Variants in TM7SF2 observed in about 807,000 individuals in gnomAD.
TM7SF2 encodes the protein transmembrane 7 superfamily member 2, also known as delta(14)-sterol reductase TM7SF2.
Under a neutral mutation model 51.0 loss-of-function variants are expected in TM7SF2, and 51 were observed. The ratio of observed to expected loss-of-function variants is 1.00; its 90% confidence interval spans 0.80 to 1.26. The LOEUF is 1.26. Among genes scored for constraint, TM7SF2 ranks in the 50% most tolerant of loss-of-function variants. TM7SF2 has a pLI of 0.00. For missense variants in TM7SF2, 541 were observed against 547.4 expected (o/e 0.99, Z 0.12); for synonymous variants, 255 against 241.0 (o/e 1.06, Z -0.54).
intron 3 of TM7SF2, 120 bp downstream of exon 3, chr11:65,112,985 GC>G: frequency 1.6e-6 from 2 of 1,277,826 alleles, no homozygotes; most frequent in Non-Finnish European, 2.2e-6. Context: ...CCTCTGTTAC[GC>G]CCAGGACAGA....
intron 9 of TM7SF2, 93 bp downstream of exon 9, chr11:65,115,691 G>C: frequency 2.5e-6 from 4 of 1,605,306 alleles, no homozygotes; most frequent in Non-Finnish European, 3.4e-6. Context: ...GCACCAGTGA[G>C]AGTAGTCAGA....
intron 5 of TM7SF2, 58 bp from the exon 6 acceptor site, chr11:65,114,655 C>T (rs1947952085): frequency 1.3e-6 from 2 of 1,577,134 alleles, no homozygotes; most frequent in African/African-American, 1.3e-5. Context: ...AGGCTGGCCA[C>T]TGCTCTGCCC....
In TM7SF2 at chr11:65,112,647, C is replaced by CGCT; in HGVS notation, c.193_195dup (p.Leu65dup). 6.5e-7 allele frequency: 1 copy of CGCT among 1,537,732 alleles called. No homozygotes were observed. Among genetic ancestry groups the CGCT allele is most frequent in the African/African-American group, 1.4e-5 (1 of 72,344 alleles). ...CTGGAGGTGCTGTGGAGCCCACGGG[C>CGCT]GCTGCTGCTGTGGCTCGCCTGGCTC... On this transcript the variant is annotated inframe_insertion, in exon 2 of 10. Transcript: ENST00000279263.
At chr11:65,115,194 A>AGGGCAGGGTCCTGGGGGTCC (rs1209793763) in intron 7 of TM7SF2, 113 bp downstream of exon 7, 24 of 1,591,902 alleles carry the variant, frequency 1.5e-5, no homozygotes. Flanking sequence ...CTCTAAAGCC[A>AGGGCAGGGTCCTGGGGGTCC]GGGCAGGGTC....
chr11:65,115,328 A>G lies in TM7SF2; in HGVS notation c.907A>G (p.Ile303Val), dbSNP rs1354129124. The G allele has an allele frequency of 3.1e-6, 5 of 1,613,980 alleles. No individual in the cohort carries two copies. In the South Asian group the frequency reaches 3.3e-5, roughly 11 times the overall value. ...ICLINATGYY[I>V]FRGANSQKNT... ...TCTCTCACCAGCTACTGGTTACTAC[A>G]TCTTCCGTGGGGCGAATTCCCAGAA... The change falls in exon 8 of 10, where the codon ATC becomes GTC. Residue 303 changes from isoleucine to valine, a missense_variant. Coordinates refer to ENST00000279263, the MANE Select transcript of TM7SF2 (RefSeq NM_003273.6).
chr11:65,111,933 G>C lies in TM7SF2; in HGVS notation c.-83G>C. ...GGGGCCGGATCCTCCGCGCGGCCGA[G>C]TCCATCTCCTGGGAAATGGGGCGGA... On this transcript the variant is annotated 5_prime_UTR_variant, in exon 1 of 10. Coordinates refer to ENST00000279263, the MANE Select transcript of TM7SF2 (RefSeq NM_003273.6). 1 of 1,453,042 alleles carries C rather than the reference G, an allele frequency of 6.9e-7. No individual in the cohort carries two copies. The highest frequency in any genetic ancestry group is 1.2e-5 in the South Asian group (1 of 82,076). The allele number at this position is 1,453,042 out of a possible 1,614,324, so 90.0% of individuals were successfully genotyped here. A position where few individuals can be genotyped will look rare whatever the true frequency, so the allele number is the denominator to read the frequency against.
chr11:65,112,000 C>G lies in TM7SF2; in HGVS notation c.-16C>G, dbSNP rs747334843. The G allele has an allele frequency of 3.2e-6, 5 of 1,577,580 alleles. No homozygotes were observed. In the Admixed American group the frequency reaches 7.5e-5, roughly 24 times the overall value. ...GACTATTGTGAGCGCCCTCTCTCTCCGGCGGAGCGGAGACCATGGCCCCCA... is the reference window on the plus strand; with the variant it reads ...GACTATTGTGAGCGCCCTCTCTCTCGGGCGGAGCGGAGACCATGGCCCCCA... On this transcript the variant is annotated 5_prime_UTR_variant, in exon 1 of 10. Transcript: ENST00000279263.
Position 65,116,117 on chromosome 11 carries a change from G to A in TM7SF2, c.*64G>A. On this transcript the variant is annotated 3_prime_UTR_variant, in exon 10 of 10. Transcript: ENST00000279263. ...CATCCACCAGCACACCCAGGACCAG[G>A]AGCCTCGACACACTTGGGACTCAAG... 6.4e-7 allele frequency: 1 copy of A among 1,556,860 alleles called. No homozygotes were observed. The highest frequency in any genetic ancestry group is 8.7e-7 in the Non-Finnish European group (1 of 1,153,408).
chr11:65,116,219 C>T lies in TM7SF2; in HGVS notation c.*166C>T, dbSNP rs1947984124. ...TTTAGAGCAAGGAAAAAAATGAAAC[C>T]AGTGACCAAAATCGGAGATGCTCTT... On this transcript the variant is annotated 3_prime_UTR_variant, in exon 10 of 10. Coordinates refer to ENST00000279263, the MANE Select transcript of TM7SF2 (RefSeq NM_003273.6). 1 of 1,197,212 alleles carries T rather than the reference C, an allele frequency of 8.4e-7. No homozygotes were observed. The highest frequency in any genetic ancestry group is 1.1e-6 in the Non-Finnish European group (1 of 878,066). 74.2% of individuals were successfully genotyped at this position (1,197,212 alleles called of 1,614,324 possible). A position where few individuals can be genotyped will look rare whatever the true frequency, so the allele number is the denominator to read the frequency against.
chr11:65,114,195 G>A (rs1465166603), intron 5 of TM7SF2, among the ~76,000 whole-genome samples: 1 of 152,210 alleles, frequency 6.6e-6, no homozygotes, highest in Non-Finnish European at 1.5e-5. Context: ...TTTGAGATGT[G>A]ATAAAATTAA....
chr11:65,116,112 A>G lies in TM7SF2; in HGVS notation c.*59A>G, dbSNP rs111613375. 5.3e-4 allele frequency: 827 copies of G among 1,567,320 alleles called. 2 individuals carry two copies. In the African/African-American group the frequency reaches 1.0e-2, roughly 19 times the overall value. Reference sequence around the variant, plus strand: ...CCACTCATCCACCAGCACACCCAGGACCAGGAGCCTCGACACACTTGGGAC... The same window carrying G: ...CCACTCATCCACCAGCACACCCAGGGCCAGGAGCCTCGACACACTTGGGAC... On this transcript the variant is annotated 3_prime_UTR_variant, in exon 10 of 10. Coordinates refer to ENST00000279263, the MANE Select transcript of TM7SF2 (RefSeq NM_003273.6).
rs1947954037 is a variant in TM7SF2, at chr11:65,114,758, G to T, written c.649G>T (p.Gly217Cys). The part of the protein sequence containing the change: ...ALLMKEAELR[G>C]SPSLAMWLVN... Reference sequence around the variant, plus strand: ...GTTGATGAAGGAGGCAGAGCTTCGAGGCAGTCCCTCACTGGCCATGTGGCT... The same window carrying T: ...GTTGATGAAGGAGGCAGAGCTTCGATGCAGTCCCTCACTGGCCATGTGGCT... The change falls in exon 6 of 10, where the codon GGC becomes TGC. Residue 217 changes from glycine (G) to cysteine (C), a missense_variant. Coordinates refer to ENST00000279263, the MANE Select transcript of TM7SF2 (RefSeq NM_003273.6). 6.2e-7 allele frequency: 1 copy of T among 1,614,140 alleles called. No individual in the cohort carries two copies. Among genetic ancestry groups the T allele is most frequent in the Admixed American group, 1.7e-5 (1 of 60,012 alleles).
chr11:65,112,778 C>G (rs1486002531), intron 2 of TM7SF2, 33 bp from the exon 3 acceptor site: 1 of 1,549,942 alleles, frequency 6.5e-7, no homozygotes, highest in Non-Finnish European at 8.7e-7. Context: ...AAAGGACGCC[C>G]CGGGCCTTAT....
In TM7SF2 at chr11:65,115,606, G is replaced by A. The variant is rs769340520; in HGVS notation, c.1096+8G>A. The A allele has an allele frequency of 6.2e-7, 1 of 1,613,924 alleles. No individual in the cohort carries two copies. Among genetic ancestry groups the A allele is most frequent in the Non-Finnish European group, 8.5e-7 (1 of 1,179,974 alleles). The stretch of plus-strand genomic sequence containing the variant: ...CTTGGTCCTTGCCCTGCGGTGAGTG[G>A]CCCATGTGGATATGGGTAGGGACAT... On this transcript the variant is annotated splice_region_variant and intron_variant, in intron 9 of 9. Transcript: ENST00000279263.
chr11:65,113,835 TA>T, intron 5 of TM7SF2: 1 of 565,352 alleles, frequency 1.8e-6, no homozygotes, highest in East Asian at 3.0e-5. Context: ...AAAAAATAAG[TA>T]AAATATATAC....
rs754540678 is a variant in TM7SF2, at chr11:65,114,039, G to A, written c.603+445G>A. On this transcript the variant is annotated intron_variant, in intron 5 of 9. Transcript: ENST00000279263. ...CATTCCAACTGTGATCTCTGGTTCT[G>A]TGGCCAAGATTACCCAAAGAAACTC... Among the ~76,000 whole-genome samples the A allele has an allele frequency of 8.1e-4, 123 of 152,228 alleles. 2 individuals are homozygous for A. The highest frequency in any genetic ancestry group is 2.6e-3 in the Admixed American group (39 of 15,294).
chr11:65,114,513 C>T (rs973797949), intron 5 of TM7SF2, among the ~76,000 whole-genome samples, 200 bp from the exon 6 acceptor site: 4 of 152,214 alleles, frequency 2.6e-5, no homozygotes, highest in East Asian at 3.8e-4. Context: ...AGCCTTAGCC[C>T]GAAAGGGCTT....
chr11:65,115,475 G>C lies in TM7SF2; in HGVS notation c.974-1G>C, dbSNP rs1216249139. 1.2e-6 allele frequency: 2 copies of C among 1,614,172 alleles called. No individual in the cohort carries two copies. The highest frequency in any genetic ancestry group is 3.3e-5 in the Admixed American group (2 of 60,020). On this transcript the variant is annotated splice_acceptor_variant, in intron 8 of 9. Coordinates refer to ENST00000279263, the MANE Select transcript of TM7SF2 (RefSeq NM_003273.6). LOFTEE classifies it high-confidence loss of function. ...CTCTCCACCCTGCTGTCTTTCCCCA[G>C]GGCTTGAGACCATCTCTACAGCCAC... is the stretch of plus-strand genomic sequence containing the variant.
Position 65,113,200 on chromosome 11 carries a change from C to G in TM7SF2, c.305-20C>G. On this transcript the variant is annotated intron_variant, in intron 3 of 9. Coordinates refer to ENST00000279263, the MANE Select transcript of TM7SF2 (RefSeq NM_003273.6). Reference sequence around the variant, plus strand: ...TGTGGAGGCGCGCAGCCCCAGGGCTCACTGTGCGCTGTGGTTCAGGCTTCC... The same window carrying G: ...TGTGGAGGCGCGCAGCCCCAGGGCTGACTGTGCGCTGTGGTTCAGGCTTCC... 6.3e-7 allele frequency: 1 copy of G among 1,575,182 alleles called. No homozygotes were observed. Among genetic ancestry groups the G allele is most frequent in the Non-Finnish European group, 8.6e-7 (1 of 1,168,208 alleles).
Sources: gnomAD v4.1 joint callset for allele counts (sites outside exome capture counted in the v4.1 genomes callset) on GRCh38, gnomAD v4.1.1 for gene constraint, MANE v1.5 for transcripts, NCBI Gene and HGNC (gene_info 2026-07-23, HGNC 2026-07-21) for gene names.